CACNA1E: variants seen among roughly 807,000 people sequenced by gnomAD.
The protein encoded by CACNA1E is voltage-dependent R-type calcium channel subunit alpha-1E.
CACNA1E carries 40 observed loss-of-function variants against 259.2 expected under a neutral mutation model. The ratio of observed to expected loss-of-function variants is 0.15; its 90% CI spans 0.12 to 0.20. The LOEUF (loss-of-function observed/expected upper bound fraction) is 0.20. Ranked by LOEUF, CACNA1E falls within the 10% of genes least tolerant of loss-of-function variation. The probability of loss-of-function intolerance (pLI) is 1.00; values close to 1 mark genes in which losing one functional copy is unlikely to be tolerated. For missense variants in CACNA1E, 1,874 were observed against 3,040.1 expected, an observed-to-expected ratio of 0.62 and a Z score of 9.02; for synonymous variants, 1,104 against 1,138.5, an observed-to-expected ratio of 0.97 and a Z score of 0.61.
chr1:181,496,376 T>C (rs1664754227), intron 1 of CACNA1E, among the ~76,000 whole-genome samples: 1 of 152,200 alleles, frequency 6.6e-6, no homozygotes. Context: ...TAGCAAAAAA[T>C]TTCAGATGGC....
chr1:181,350,145 C>A (rs967203186), intron 1 of CACNA1E, among the ~76,000 whole-genome samples: 3 of 152,178 alleles, frequency 2.0e-5, no homozygotes, highest in Admixed American at 1.3e-4. Flanking sequence ...AAACCAGAGC[C>A]TGAATTAATG....
intron 41 of CACNA1E, 81 bp downstream of exon 41, chr1:181,784,849 T>A (rs1660725626): frequency 2.5e-6 from 2 of 800,110 alleles, no homozygotes; most frequent in African/African-American, 1.8e-5. Flanking sequence ...CCCAGAGTGA[T>A]CAAAGAGATA....
intron 6 of CACNA1E, among the ~76,000 whole-genome samples, chr1:181,635,824 G>A (rs990112557): frequency 6.6e-5 from 10 of 152,198 alleles, no homozygotes; most frequent in Non-Finnish European, 2.9e-5. Flanking sequence ...TCCATTCATA[G>A]AACAGATGTT....
Position 181,461,316 on chromosome 1 carries a change from C to T in CACNA1E, c.435-22428C>T, listed in dbSNP as rs1007008246. On this transcript the variant is annotated intron_variant, in intron 2 of 11. Coordinates refer to the CACNA1E transcript ENST00000524607. ...CAGCACTTTGGGAGGCCGAGGCGGG[C>T]GGATCACGAGGTCAGGAGATCGAGA... 5.3e-5 allele frequency among the ~76,000 whole-genome samples: 8 copies of T among 151,914 alleles called. No homozygotes were observed. The East Asian group carries it at 5.8e-4, about 11-fold the overall frequency.
chr1:181,407,265 TG>T (rs1259114987), intron 1 of CACNA1E, among the ~76,000 whole-genome samples: 1 of 151,168 alleles, frequency 6.6e-6, no homozygotes, highest in Non-Finnish European at 1.5e-5. Context: ...TTGCAGGGAG[TG>T]GGGGTGGGTC....
intron 7 of CACNA1E, among the ~76,000 whole-genome samples, chr1:181,679,149 C>T (rs114849459): frequency 3.0e-3 from 460 of 152,174 alleles, no homozygotes; most frequent in Non-Finnish European, 5.4e-3. Context: ...GAGTTGTAAA[C>T]GATGAAGAAA....
chr1:181,731,375 G>T, intron 19 of CACNA1E, 144 bp downstream of exon 19: 1 of 690,602 alleles, frequency 1.4e-6, no homozygotes, highest in South Asian at 1.6e-5. Flanking sequence ...CCGTTCACAT[G>T]ATCTGTGGAT....
chr1:181,324,100 C>T (rs578106015), intron 1 of CACNA1E, among the ~76,000 whole-genome samples: 1 of 152,358 alleles, frequency 6.6e-6, no homozygotes, highest in African/African-American at 2.4e-5. Flanking sequence ...CCTCTTCCCT[C>T]TTTCTGAAAA....
chr1:181,647,589 T>A (rs1259280282), intron 6 of CACNA1E, among the ~76,000 whole-genome samples: 2 of 152,192 alleles, frequency 1.3e-5, no homozygotes, highest in Non-Finnish European at 2.9e-5. Flanking sequence ...TCTGGGTACT[T>A]GCTGCCTTGA....
chr1:181,587,964 CCTGTCTCA>C (rs1273941440), intron 6 of CACNA1E, among the ~76,000 whole-genome samples: 1 of 152,210 alleles, frequency 6.6e-6, no homozygotes, highest in East Asian at 1.9e-4. Context: ...AGTTGAGAAA[CCTGTCTCA>C]CTGCATAGAA....
chr1:181,412,729 A>G (rs750630806), intron 1 of CACNA1E, among the ~76,000 whole-genome samples: 11 of 152,214 alleles, frequency 7.2e-5, no homozygotes, highest in Non-Finnish European at 1.3e-4. Context: ...TAGCTGTCCG[A>G]GGTGGGGCTG....
intron 1 of CACNA1E, among the ~76,000 whole-genome samples, chr1:181,384,933 C>T (rs1490355835): frequency 6.6e-6 from 1 of 152,182 alleles, no homozygotes; most frequent in Non-Finnish European, 1.5e-5. Context: ...TTTCCTGCCT[C>T]TTTCCTCTTT....
intron 1 of CACNA1E, among the ~76,000 whole-genome samples, chr1:181,347,259 T>C: frequency 6.6e-6 from 1 of 152,142 alleles, no homozygotes. Flanking sequence ...CTCTTAGGGT[T>C]TGTCTAATTT....
chr1:181,356,043 A>T (rs1653407620), intron 1 of CACNA1E, among the ~76,000 whole-genome samples: 1 of 151,922 alleles, frequency 6.6e-6, no homozygotes, highest in African/African-American at 2.4e-5. Flanking sequence ...TTTTTAAAAC[A>T]TTTTCATCAA....
intron 1 of CACNA1E, among the ~76,000 whole-genome samples, chr1:181,326,496 C>G (rs1650806789): frequency 6.6e-6 from 1 of 152,160 alleles, no homozygotes; most frequent in Non-Finnish European, 1.5e-5. Flanking sequence ...TTGGCAGTTT[C>G]TCCTGTGGTT....
chr1:181,643,771 C>T (rs1391731167), intron 6 of CACNA1E, among the ~76,000 whole-genome samples: 1 of 152,198 alleles, frequency 6.6e-6, no homozygotes, highest in East Asian at 1.9e-4. Context: ...CTGCTTCATC[C>T]TCAGTGACAA....
At chr1:181,734,488 A>G in intron 21 of CACNA1E, among the ~76,000 whole-genome samples, 1 of 140,908 alleles carries the variant, frequency 7.1e-6, no homozygotes, top group Non-Finnish European at 1.5e-5. Context: ...CTGACCCCAC[A>G]GCTCATCCCT....
chr1:181,636,475 G>GCC (rs1419009873), intron 6 of CACNA1E, among the ~76,000 whole-genome samples: 1 of 152,198 alleles, frequency 6.6e-6, no homozygotes, highest in Non-Finnish European at 1.5e-5. Context: ...CACAGAATTG[G>GCC]CCTAGAGAAA....
chr1:181,520,864 T>C (rs561049074), intron 3 of CACNA1E, among the ~76,000 whole-genome samples: 1 of 152,324 alleles, frequency 6.6e-6, no homozygotes, highest in South Asian at 2.1e-4. Context: ...CTTTGTCTTC[T>C]ATCCTCCCCA....
Sources: gnomAD v4.1 joint callset for allele counts (sites outside exome capture counted in the v4.1 genomes callset) on GRCh38, gnomAD v4.1.1 for gene constraint, MANE v1.5 for transcripts, NCBI Gene and HGNC (gene_info 2026-07-23, HGNC 2026-07-21) for gene names.